The following UNC13C variants were observed in gnomAD, a reference collection of about 807,000 sequenced individuals.
UNC13C encodes unc-13 homolog C, also known as protein unc-13 homolog C.
A neutral mutation model predicts 245.4 loss-of-function variants in UNC13C; 174 were observed. The observed-to-expected ratio is 0.71, with a 90% CI of 0.63 to 0.80. UNC13C has a LOEUF of 0.80. UNC13C is among the 30% of genes least tolerant of loss of function. The probability of loss-of-function intolerance (pLI) is 0.00; values close to 1 mark genes in which losing one functional copy is unlikely to be tolerated. For missense variants in UNC13C, 2,829 were observed against 2,602.9 expected (o/e 1.09, Z -1.89); for synonymous variants, 992 against 895.1 (o/e 1.11, Z -1.93).
At chr15:54,074,932 G>C (rs1161816448) in intron 2 of UNC13C, among the ~76,000 whole-genome samples, 1 of 152,016 alleles carries the variant, frequency 6.6e-6, no homozygotes, top group Non-Finnish European at 1.5e-5. Flanking sequence ...AAGATCCACA[G>C]CCTCTTTCTA....
intron 1 of UNC13C, among the ~76,000 whole-genome samples, chr15:53,991,665 G>T (rs901379872): frequency 6.6e-6 from 1 of 151,982 alleles, no homozygotes; most frequent in Non-Finnish European, 1.5e-5. Context: ...TCTAGGAACT[G>T]CATTCTATTA....
rs547391122 is a variant in UNC13C, at chr15:54,352,245, T to C, written c.4713+13756T>C. Among the ~76,000 whole-genome samples, 12 of 149,024 alleles carry C rather than the reference T, an allele frequency of 8.1e-5. No homozygotes were observed. The South Asian group carries it at 8.4e-4, about 10-fold the overall frequency. ...TCTCATAGTTTTGATTTTGTTTATA[T>C]ATTGTGATTATACAAATATATAACA... On this transcript the variant is annotated intron_variant, in intron 17 of 32. Coordinates refer to ENST00000260323, the MANE Select transcript of UNC13C (RefSeq NM_001080534.3).
chr15:54,044,035 G>T (rs951918600), intron 2 of UNC13C, among the ~76,000 whole-genome samples: 14 of 151,900 alleles, frequency 9.2e-5, no homozygotes, highest in African/African-American at 3.1e-4. Flanking sequence ...TGGAACTTTT[G>T]TCACCCCAAA....
chr15:53,875,758 A>T, the UNC13C span, among the ~76,000 whole-genome samples: 3 of 152,216 alleles, frequency 2.0e-5, no homozygotes, highest in African/African-American at 7.2e-5. Flanking sequence ...TACACCATTT[A>T]GCACCATCCT....
chr15:54,548,971 A>G (rs1287230661), intron 27 of UNC13C, among the ~76,000 whole-genome samples: 1 of 152,192 alleles, frequency 6.6e-6, no homozygotes, highest in African/African-American at 2.4e-5. Flanking sequence ...TAAAACATCT[A>G]GATAACATTT....
intron 17 of UNC13C, among the ~76,000 whole-genome samples, chr15:54,369,740 A>C (rs1360908689): frequency 6.6e-6 from 1 of 152,098 alleles, no homozygotes; most frequent in Non-Finnish European, 1.5e-5. Flanking sequence ...AAAAAATGAC[A>C]CTCAGATTAG....
intron 19 of UNC13C, among the ~76,000 whole-genome samples, chr15:54,479,120 A>G (rs1169489901): frequency 1.3e-5 from 2 of 152,058 alleles, no homozygotes; most frequent in Non-Finnish European, 2.9e-5. Flanking sequence ...ATCCTTGAAT[A>G]TATATGCTGT....
intron 19 of UNC13C, among the ~76,000 whole-genome samples, chr15:54,478,793 T>G (rs1892925274): frequency 6.6e-6 from 1 of 151,620 alleles, no homozygotes. Context: ...TTCTGTTGAT[T>G]TGGGGTGGAG....
chr15:54,485,362 T>C (rs1893351665), intron 19 of UNC13C, among the ~76,000 whole-genome samples: 1 of 152,198 alleles, frequency 6.6e-6, no homozygotes, highest in Admixed American at 6.5e-5. Flanking sequence ...TGGTCTCAGG[T>C]TATTTAGTAG....
At chr15:54,585,325 CG>C (rs1273908294) in intron 30 of UNC13C, among the ~76,000 whole-genome samples, 2 of 151,994 alleles carry the variant, frequency 1.3e-5, no homozygotes, top group African/African-American at 4.8e-5. Context: ...GTACTGCCCC[CG>C]TGTCTCTCTT....
chr15:53,900,915 AT>A, the UNC13C span, among the ~76,000 whole-genome samples: 6 of 151,980 alleles, frequency 3.9e-5, no homozygotes, highest in East Asian at 1.9e-4. Context: ...ACGTACATTC[AT>A]TTTTTTTCCC....
At chr15:54,186,595 T>C (rs1383082122) in intron 4 of UNC13C, among the ~76,000 whole-genome samples, 1 of 152,036 alleles carries the variant, frequency 6.6e-6, no homozygotes, top group Non-Finnish European at 1.5e-5. Context: ...TGTATGTTAT[T>C]ATTTTAATAT....
intron 1 of UNC13C, among the ~76,000 whole-genome samples, chr15:54,002,673 A>G (rs936557636): frequency 1.3e-5 from 2 of 152,240 alleles, no homozygotes; most frequent in African/African-American, 2.4e-5. Context: ...ACTCTCCATC[A>G]ATAATTCTAA....
At chr15:54,177,293 T>C (rs2033647772) in intron 4 of UNC13C, among the ~76,000 whole-genome samples, 1 of 152,172 alleles carries the variant, frequency 6.6e-6, no homozygotes, top group Non-Finnish European at 1.5e-5. Flanking sequence ...ATGTATAGAC[T>C]GAGATAATGA....
chr15:53,959,056 T>C, the UNC13C span, among the ~76,000 whole-genome samples: 1 of 152,168 alleles, frequency 6.6e-6, no homozygotes, highest in Admixed American at 6.5e-5. Flanking sequence ...TATTTGTCTT[T>C]CTGTGTCTCA....
the UNC13C span, among the ~76,000 whole-genome samples, chr15:53,838,705 A>G: frequency 6.6e-6 from 1 of 152,030 alleles, no homozygotes; most frequent in African/African-American, 2.4e-5. Context: ...AAATTGACCT[A>G]TAATTTTTTG....
chr15:54,169,898 T>G (rs541461461), intron 4 of UNC13C, among the ~76,000 whole-genome samples: 4 of 152,308 alleles, frequency 2.6e-5, no homozygotes, highest in Admixed American at 2.0e-4. Flanking sequence ...TTTCGCAGTT[T>G]ATGAATCTAT....
intron 4 of UNC13C, among the ~76,000 whole-genome samples, chr15:54,171,489 G>A (rs1399351382): frequency 1.3e-5 from 2 of 151,968 alleles, no homozygotes; most frequent in Non-Finnish European, 2.9e-5. Flanking sequence ...ATGGCAAACA[G>A]GTATATGAAA....
At chr15:54,404,488 G>A (rs2040253682) in intron 18 of UNC13C, among the ~76,000 whole-genome samples, 1 of 152,036 alleles carries the variant, frequency 6.6e-6, no homozygotes, top group Admixed American at 6.6e-5. Flanking sequence ...ATGGTGGAAT[G>A]GATCAGTTAT....
Sources: gnomAD v4.1 joint callset for allele counts (sites outside exome capture counted in the v4.1 genomes callset) on GRCh38, gnomAD v4.1.1 for gene constraint, MANE v1.5 for transcripts, NCBI Gene and HGNC (gene_info 2026-07-23, HGNC 2026-07-21) for gene names.